The following ZNF346 variants were observed in gnomAD, a reference collection of about 807,000 sequenced individuals.
The protein encoded by ZNF346 is double-stranded RNA-binding zinc finger protein JAZ.
Under a neutral mutation model 33.7 loss-of-function variants are expected in ZNF346, and 23 were observed. That is an observed-to-expected ratio of 0.68 (90% confidence interval 0.49 to 0.97). The LOEUF (loss-of-function observed/expected upper bound fraction) is 0.97. Among genes scored for constraint, ZNF346 ranks in the 50% least tolerant of loss-of-function variants. The probability of loss-of-function intolerance (pLI) is 0.00; values close to 1 mark genes in which losing one functional copy is unlikely to be tolerated. For missense variants in ZNF346, 340 were observed against 371.1 expected (o/e 0.92, Z 0.69); for synonymous variants, 134 against 142.4 (o/e 0.94, Z 0.42).
chr5:177,024,734 A>C (rs1351904121), intron 1 of ZNF346, among the ~76,000 whole-genome samples: 2 of 152,216 alleles, frequency 1.3e-5, no homozygotes, highest in African/African-American at 2.4e-5. Flanking sequence ...ATGTTTTAAG[A>C]GTTGGAGGTG....
At chr5:177,052,759 A>G (rs1165608755) in intron 5 of ZNF346, 1 of 152,240 alleles carries the variant, frequency 6.6e-6, no homozygotes, top group Non-Finnish European at 1.5e-5. Flanking sequence ...ACACGTACAC[A>G]TGGTCCCCAA....
At chr5:177,044,281 T>A in intron 3 of ZNF346, 108 bp from the exon 4 acceptor site, 1 of 1,108,058 alleles carries the variant, frequency 9.0e-7, no homozygotes, top group Non-Finnish European at 1.3e-6. Context: ...GGGGTTAATG[T>A]GTGAGGGGGG....
chr5:177,028,748 C>T (rs1235012133), intron 1 of ZNF346, among the ~76,000 whole-genome samples: 2 of 108,054 alleles, frequency 1.9e-5, no homozygotes, highest in Non-Finnish European at 3.5e-5. Context: ...GAGATGGAGT[C>T]TCGCTCTGTT....
intron 6 of ZNF346, among the ~76,000 whole-genome samples, chr5:177,062,847 AC>A (rs1332490411): frequency 1.3e-5 from 2 of 152,172 alleles, no homozygotes; most frequent in East Asian, 1.9e-4. Context: ...CATATAGACA[AC>A]CAGCATTCAA....
chr5:177,063,999 G>A (rs927443824), intron 6 of ZNF346, among the ~76,000 whole-genome samples: 2 of 152,130 alleles, frequency 1.3e-5, no homozygotes, highest in South Asian at 4.1e-4. Flanking sequence ...CTGAAATTAG[G>A]ATACCCCCTC....
chr5:177,057,503 G>A lies in ZNF346; in HGVS notation c.704-4555G>A, dbSNP rs1319393363. The stretch of plus-strand genomic sequence containing the variant: ...TGTAATCCCAGCACTTTGGGAGGCC[G>A]AGGTGGGTGGATCATTTGAGGTCAG... On this transcript the variant is annotated intron_variant, in intron 5 of 6. Coordinates refer to ENST00000358149, the MANE Select transcript of ZNF346 (RefSeq NM_012279.4). 9.2e-5 allele frequency among the ~76,000 whole-genome samples: 14 copies of A among 152,030 alleles called. No homozygotes were observed. The East Asian group carries it at 2.3e-3, about 25-fold the overall frequency.
Position 177,064,700 on chromosome 5 carries a change from A to G in ZNF346, c.*101A>G, listed in dbSNP as rs1422520761. 9 of 939,962 alleles carry G rather than the reference A, an allele frequency of 9.6e-6. No individual in the cohort carries two copies. Among genetic ancestry groups the G allele is most frequent in the Non-Finnish European group, 1.4e-5 (8 of 580,276 alleles). 58.2% of individuals were successfully genotyped at this position (939,962 alleles called of 1,614,324 possible). On this transcript the variant is annotated 3_prime_UTR_variant, in exon 7 of 7. Transcript: ENST00000358149. ...TCTTGCTCGTTGTTCTCACCAGGAA[A>G]GTACACGGGCCTGAGGCAGGATTGG...
intron 5 of ZNF346, among the ~76,000 whole-genome samples, chr5:177,055,194 C>T (rs1781510162): frequency 1.3e-5 from 2 of 151,766 alleles, no homozygotes; most frequent in South Asian, 2.1e-4. Flanking sequence ...CCACCAAACT[C>T]GGCTAATTTT....
At chr5:177,022,944 C>T (rs1358711589) in intron 1 of ZNF346, 31 bp downstream of exon 1, 6 of 1,448,388 alleles carry the variant, frequency 4.1e-6, no homozygotes, top group African/African-American at 1.4e-5. Context: ...GCAGAAAGCC[C>T]CTCGCCCGCT....
At chr5:177,061,065 T>C (rs545561151) in intron 5 of ZNF346, among the ~76,000 whole-genome samples, 1 of 151,422 alleles carries the variant, frequency 6.6e-6, no homozygotes, top group Non-Finnish European at 1.5e-5. Context: ...TGAGCCAAGA[T>C]CGCACCACTG....
At chr5:177,048,774 T>C (rs1287570850) in intron 4 of ZNF346, among the ~76,000 whole-genome samples, 2 of 145,186 alleles carry the variant, frequency 1.4e-5, no homozygotes, top group African/African-American at 2.8e-5. Flanking sequence ...AACTTGTTTT[T>C]TTCTTTTTTT....
At chr5:177,076,674 G>A (rs1371359550) in intron 8 of ZNF346, among the ~76,000 whole-genome samples, 1 of 152,128 alleles carries the variant, frequency 6.6e-6, no homozygotes, top group Non-Finnish European at 1.5e-5. Flanking sequence ...CTCCCCCTCT[G>A]CAAGATCCCA....
At chr5:177,072,907 C>CT (rs1176848654), downstream of ZNF346, among the ~76,000 whole-genome samples, 5 of 152,216 alleles carry the variant, frequency 3.3e-5, no homozygotes, top group Non-Finnish European at 7.3e-5. Context: ...TATGACTTTT[C>CT]TTTAAGTCAG....
In ZNF346 at chr5:177,041,121, T is replaced by C; in HGVS notation, c.176-5T>C. On this transcript the variant is annotated splice_region_variant and splice_polypyrimidine_tract_variant and intron_variant, in intron 1 of 6. Transcript: ENST00000358149. Reference sequence around the variant, plus strand: ...CTCAATGATTTCTTGTTTTCCCCTCTATAGTGGAGCACATGATCCAGAAGA... The same window carrying C: ...CTCAATGATTTCTTGTTTTCCCCTCCATAGTGGAGCACATGATCCAGAAGA... The C allele has an allele frequency of 1.9e-6, 3 of 1,611,276 alleles. No homozygotes were observed. The highest frequency in any genetic ancestry group is 2.5e-6 in the Non-Finnish European group (3 of 1,177,404).
rs59144440 is a variant in ZNF346, at chr5:177,048,108, C to T, written c.518-2643C>T. On this transcript the variant is annotated intron_variant, in intron 4 of 6. Coordinates refer to ENST00000358149, the MANE Select transcript of ZNF346 (RefSeq NM_012279.4). ...CCCCACTTTTTGGTGTTACAGATAA[C>T]ACTACAGTGAACATCTCTGTAGAAC... 7.2e-3 allele frequency among the ~76,000 whole-genome samples: 1,097 copies of T among 152,234 alleles called. 13 individuals carry two copies. Among genetic ancestry groups the T allele is most frequent in the African/African-American group, 0.024 (1,011 of 41,534 alleles).
chr5:177,030,055 C>T (rs987231688), intron 1 of ZNF346, among the ~76,000 whole-genome samples: 2 of 152,070 alleles, frequency 1.3e-5, no homozygotes, highest in African/African-American at 2.4e-5. Flanking sequence ...GTCACAGAAG[C>T]GTTCTGTATT....
intron 5 of ZNF346, among the ~76,000 whole-genome samples, chr5:177,055,544 A>T (rs9313748): frequency 0.14 from 21,437 of 152,102 alleles, 3,218 homozygotes; most frequent in African/African-American, 0.38. Context: ...TTTCCAAAGG[A>T]TCTGTTTCTG....
chr5:177,051,176 T>TC (rs962065021), intron 5 of ZNF346, among the ~76,000 whole-genome samples: 5 of 142,702 alleles, frequency 3.5e-5, no homozygotes, highest in African/African-American at 5.2e-5. Flanking sequence ...TTTTCTTTTT[T>TC]TTTTTTTTTT....
At chr5:177,073,226 G>T (rs1783588703) in intron 8 of ZNF346, among the ~76,000 whole-genome samples, 1 of 152,216 alleles carries the variant, frequency 6.6e-6, no homozygotes, top group Admixed American at 6.5e-5. Context: ...CTTGGTGATT[G>T]AATACATTAA....
Sources: allele counts gnomAD v4.1 joint callset (sites outside exome capture counted in the v4.1 genomes callset), GRCh38; gene constraint gnomAD v4.1.1; transcripts MANE v1.5; gene names NCBI Gene and HGNC (gene_info 2026-07-23, HGNC 2026-07-21).